BDNF: variants seen among roughly 807,000 people sequenced by gnomAD.
BDNF encodes brain derived neurotrophic factor.
In BDNF, 1 loss-of-function variant was observed where a neutral mutation model predicts 19.5. The observed-to-expected ratio is 0.05, with a 90% CI of 0.02 to 0.24. The LOEUF is 0.24. BDNF is among the 10% of genes least tolerant of loss of function. The probability of loss-of-function intolerance (pLI) is 1.00; values close to 1 mark genes in which losing one functional copy is unlikely to be tolerated. For synonymous variants in BDNF, 100 were observed against 121.6 expected (o/e 0.82, Z 1.17); for missense variants, 195 against 317.6 (o/e 0.61, Z 2.93).
At position 27,721,546 on chromosome 11, in the gene BDNF, T is replaced by TA. The variant is rs1860739766; in HGVS notation, c.-133_-132insT. 7 of 933,354 alleles carry TA rather than the reference T, an allele frequency of 7.5e-6. No homozygotes were observed. The Admixed American group carries it at 1.0e-4, about 14-fold the overall frequency. The allele number at this position is 933,354 out of a possible 1,614,324, so 57.8% of individuals were successfully genotyped here. A position where few individuals can be genotyped will look rare whatever the true frequency, so the allele number is the denominator to read the frequency against. ...TTTGCTCAGTGGATCGCCCACCACT[T>TA]GGTGTGACTTATGAATCTAATAACC... On this transcript the variant is annotated 5_prime_UTR_variant, in exon 1 of 2. Transcript: ENST00000314915.
Position 27,658,694 on chromosome 11 carries a change from G to GT in BDNF, c.-21-110dup, listed in dbSNP as rs539045662. 147 of 1,593,372 alleles carry GT rather than the reference G, an allele frequency of 9.2e-5. No homozygotes were observed. In the African/African-American group the frequency reaches 1.3e-3, roughly 15 times the overall value. Reference sequence around the variant, plus strand: ...TTCCAGGCCATTCTGCAGGGTCAAGGTTTTTTTATGTCTTGGTGATAAACT... The same window carrying GT: ...TTCCAGGCCATTCTGCAGGGTCAAGGTTTTTTTTATGTCTTGGTGATAAACT... On this transcript the variant is annotated intron_variant, in intron 1 of 1. Coordinates refer to ENST00000356660, the MANE Select transcript of BDNF (RefSeq NM_001709.5). This position sits in a 1 kb window ranked among gnomAD's most constrained non-coding sequence, Gnocchi z 5.7.
At chr11:27,674,332 T>C (rs950514025) in intron 1 of BDNF, 12 of 1,544,052 alleles carry the variant, frequency 7.8e-6, no homozygotes, top group South Asian at 6.0e-5. Context: ...TAATTTCTTT[T>C]AATTACTTAA....
upstream of BDNF, among the ~76,000 whole-genome samples, chr11:27,703,731 G>C (rs537110032): frequency 6.6e-6 from 1 of 152,262 alleles, no homozygotes; most frequent in African/African-American, 2.4e-5. Flanking sequence ...AAATGTCAGG[G>C]ATATTTAGAA....
intron 1 of BDNF, among the ~76,000 whole-genome samples, chr11:27,682,578 G>A (rs151189572): frequency 6.4e-4 from 98 of 151,972 alleles, no homozygotes; most frequent in African/African-American, 2.3e-3. Flanking sequence ...ACCCTGACAG[G>A]CCCCAGTGTG....
chr11:27,720,640 C>T (rs1860712505), intron 1 of BDNF: 1 of 985,446 alleles, frequency 1.0e-6, no homozygotes, highest in African/African-American at 1.7e-5. Flanking sequence ...GCCAAGAAGA[C>T]TACCTGGGGG....
intron 1 of BDNF, among the ~76,000 whole-genome samples, chr11:27,685,121 T>G (rs1261317066): frequency 6.6e-6 from 1 of 152,040 alleles, no homozygotes; most frequent in Non-Finnish European, 1.5e-5. Context: ...TCCTTTAGTC[T>G]TAGGAGGGTG....
At chr11:27,688,378 T>C (rs1427856057) in intron 1 of BDNF, among the ~76,000 whole-genome samples, 1 of 152,200 alleles carries the variant, frequency 6.6e-6, no homozygotes, top group African/African-American at 2.4e-5. Flanking sequence ...GCTAGATCAC[T>C]TGGCTGCCTG....
At chr11:27,704,742 A>G (rs919173175), upstream of BDNF, among the ~76,000 whole-genome samples, 1 of 152,224 alleles carries the variant, frequency 6.6e-6, no homozygotes, top group Non-Finnish European at 1.5e-5. Flanking sequence ...GTCACTCGCA[A>G]TCCTTGAAAT....
chr11:27,713,716 C>A (rs184610874), intron 1 of BDNF, among the ~76,000 whole-genome samples: 65 of 152,284 alleles, frequency 4.3e-4, no homozygotes, highest in Admixed American at 9.2e-4. Context: ...TGTTGGATCA[C>A]CTTTCCCAGG....
rs1243521062 is a variant in BDNF, at chr11:27,658,659, C to CTGAT, written c.-21-78_-21-75dup. On this transcript the variant is annotated intron_variant, in intron 1 of 1. Coordinates refer to ENST00000356660, the MANE Select transcript of BDNF (RefSeq NM_001709.5). This position sits in a 1 kb window ranked among gnomAD's most constrained non-coding sequence, Gnocchi z 5.7. ...TTCACCGGGATGCCATGTGGCCCAT[C>CTGAT]TGATTGTAATTCCAGGCCATTCTGC... The CTGAT allele has an allele frequency of 6.2e-7, 1 of 1,612,746 alleles. No individual in the cohort carries two copies. Among genetic ancestry groups the CTGAT allele is most frequent in the Non-Finnish European group, 8.5e-7 (1 of 1,179,708 alleles).
At chr11:27,674,675 G>T (rs1855852283) in intron 1 of BDNF, 1 of 985,296 alleles carries the variant, frequency 1.0e-6, no homozygotes, top group Admixed American at 6.2e-5. Flanking sequence ...CAATTTGGCG[G>T]TACTGTGAAC....
At chr11:27,675,353 G>A (rs1436617613) in intron 1 of BDNF, 2 of 152,058 alleles carry the variant, frequency 1.3e-5, no homozygotes, top group Non-Finnish European at 2.9e-5. Context: ...AGGGTATTTT[G>A]TCAAAACTAT....
chr11:27,701,579 G>A, upstream of BDNF: 1 of 986,744 alleles, frequency 1.0e-6, no homozygotes, highest in Non-Finnish European at 1.2e-6. Flanking sequence ...ATGCTAGTTC[G>A]CCGGGGGGAG....
chr11:27,700,717 C>A, upstream of BDNF: 1 of 1,171,478 alleles, frequency 8.5e-7, no homozygotes, highest in Non-Finnish European at 1.1e-6. Flanking sequence ...GCGAGTCCTG[C>A]GCCCTCCTGG....
upstream of BDNF, chr11:27,700,560 C>T: frequency 1.0e-6 from 1 of 953,612 alleles, no homozygotes; most frequent in Non-Finnish European, 1.2e-6. Flanking sequence ...TCCCCGCTCG[C>T]CCGCGCTACC....
At chr11:27,661,023 T>C (rs776094213) in intron 1 of BDNF, among the ~76,000 whole-genome samples, 1 of 152,238 alleles carries the variant, frequency 6.6e-6, no homozygotes, top group Non-Finnish European at 1.5e-5. Context: ...ATGCTTTATA[T>C]ATTGTTCTCT....
intron 1 of BDNF, among the ~76,000 whole-genome samples, chr11:27,699,179 C>T (rs573193684): frequency 6.6e-6 from 1 of 151,532 alleles, no homozygotes; most frequent in African/African-American, 2.4e-5. Context: ...TGGGTCCCCT[C>T]CTCCTCCTCG....
chr11:27,705,091 C>T (rs1486641828), upstream of BDNF, among the ~76,000 whole-genome samples: 1 of 152,100 alleles, frequency 6.6e-6, no homozygotes, highest in African/African-American at 2.4e-5. Flanking sequence ...GAGACTAAAC[C>T]CCCAAACATA....
chr11:27,659,086 G>T (rs1564941924), intron 1 of BDNF: 8 of 1,021,972 alleles, frequency 7.8e-6, no homozygotes, highest in Non-Finnish European at 7.1e-6. Context: ...GCTATGTGAT[G>T]TCTAGGCATG....
Sources: gnomAD v4.1 joint callset for allele counts (sites outside exome capture counted in the v4.1 genomes callset) on GRCh38, gnomAD v4.1.1 for gene constraint, Gnocchi (gnomAD v3.1) non-coding constraint, MANE v1.5 for transcripts, NCBI Gene and HGNC (gene_info 2026-07-23, HGNC 2026-07-21) for gene names.